Variants in ABCB7 observed in about 807,000 individuals in gnomAD.
ABCB7 encodes the protein iron-sulfur clusters transporter ABCB7, mitochondrial.
A neutral mutation model predicts 54.4 loss-of-function variants in ABCB7; 7 were observed. The ratio of observed to expected loss-of-function variants is 0.13; its 90% CI spans 0.07 to 0.24. The LOEUF (loss-of-function observed/expected upper bound fraction) is 0.24. ABCB7 is among the 10% of genes least tolerant of loss of function. The pLI is 1.00. For synonymous variants in ABCB7, 218 were observed against 207.1 expected, an observed-to-expected ratio of 1.05 and a Z score of -0.45; for missense variants, 356 against 570.4, an observed-to-expected ratio of 0.62 and a Z score of 3.83.
At chrX:75,132,847 A>T (rs925877519) in intron 1 of ABCB7, among the ~76,000 whole-genome samples, 11 of 111,910 alleles carry the variant, frequency 9.8e-5, no homozygotes, top group Non-Finnish European at 1.9e-4. Context: ...AGTCAATTAC[A>T]CCACAGTTAA....
chrX:75,074,014 T>C, intron 6 of ABCB7, 58 bp from the exon 7 acceptor site: 2 of 966,292 alleles, frequency 2.1e-6, no homozygotes, highest in Non-Finnish European at 3.0e-6. Flanking sequence ...CCCAAACAGT[T>C]TGTAATACAC....
intron 15 of ABCB7, among the ~76,000 whole-genome samples, chrX:75,058,731 G>GAATTACATGGCATGAGGCAGGT (rs778724763): frequency 1.8e-5 from 2 of 111,330 alleles, no homozygotes; most frequent in Non-Finnish European, 3.8e-5. Context: ...TAGATACTGT[G>GAATTACATGGCATGAGGCAGGT]AATTACATGG....
chrX:75,063,461 T>C (rs376809411), intron 13 of ABCB7, among the ~76,000 whole-genome samples: 9 of 111,439 alleles, frequency 8.1e-5, no homozygotes, highest in African/African-American at 2.6e-4. Context: ...CTACAATTAT[T>C]ATCTTTGGCC....
intron 13 of ABCB7, among the ~76,000 whole-genome samples, chrX:75,064,748 C>A (rs944446891): frequency 9.0e-6 from 1 of 110,773 alleles, no homozygotes; most frequent in African/African-American, 3.3e-5. Context: ...AGGTAAAGAA[C>A]GATCTTGTTT....
intron 4 of ABCB7, 91 bp downstream of exon 4, chrX:75,098,851 C>T: frequency 2.6e-6 from 3 of 1,154,703 alleles, no homozygotes; most frequent in Non-Finnish European, 3.5e-6. Context: ...GTCATGCTAC[C>T]CCAAAAGTGA....
intron 3 of ABCB7, among the ~76,000 whole-genome samples, chrX:75,112,339 A>G (rs2081767740): frequency 9.0e-6 from 1 of 111,698 alleles, no homozygotes; most frequent in Non-Finnish European, 1.9e-5. Context: ...CAGTATTCCA[A>G]TGACATTTTT....
chrX:75,084,911 A>C (rs1044815332), intron 4 of ABCB7, among the ~76,000 whole-genome samples: 2 of 112,199 alleles, frequency 1.8e-5, no homozygotes, highest in African/African-American at 6.5e-5. Flanking sequence ...AGAAATGTAA[A>C]TTAAAACCAC....
At chrX:75,125,308 A>T (rs2081915396) in intron 1 of ABCB7, among the ~76,000 whole-genome samples, 1 of 111,778 alleles carries the variant, frequency 8.9e-6, no homozygotes, top group Admixed American at 9.5e-5. Flanking sequence ...GAGAACATTG[A>T]TATAACACAA....
intron 1 of ABCB7, among the ~76,000 whole-genome samples, chrX:75,131,465 T>C (rs1257870792): frequency 9.0e-6 from 1 of 110,952 alleles, no homozygotes; most frequent in Non-Finnish European, 1.9e-5. Flanking sequence ...GCAGTGGACG[T>C]ATATATAATT....
rs753757983 is a variant in ABCB7 at position 75,113,720 on chromosome X, G to A, written c.247-748C>T. ...CACAGTTCTTTACAAACACAAATGC[G>A]TATCAATATCATACATAGCATAGCA... On this transcript the variant is annotated intron_variant, in intron 2 of 15. Transcript: ENST00000373394. 1.4e-3 allele frequency among the ~76,000 whole-genome samples: 155 copies of A among 111,506 alleles called. 1 individual carries two copies. Among genetic ancestry groups the A allele is most frequent in the Non-Finnish European group, 2.2e-3 (115 of 53,061 alleles).
chrX:75,089,452 C>A (rs1484649599), intron 4 of ABCB7, among the ~76,000 whole-genome samples: 1 of 110,108 alleles, frequency 9.1e-6, no homozygotes, highest in Non-Finnish European at 1.9e-5. Flanking sequence ...GTGTACCACC[C>A]CCATGAAGCA....
At chrX:75,145,577 C>A (rs957181712) in intron 1 of ABCB7, among the ~76,000 whole-genome samples, 18 of 111,797 alleles carry the variant, frequency 1.6e-4, no homozygotes, top group African/African-American at 5.2e-4. Context: ...AAGGAACATA[C>A]CTCAAAATAT....
chrX:75,121,422 G>GA (rs1485848089), intron 1 of ABCB7, among the ~76,000 whole-genome samples: 4 of 111,040 alleles, frequency 3.6e-5, no homozygotes, highest in African/African-American at 9.8e-5. Flanking sequence ...AGACTGGAGA[G>GA]AAAAAAAAGT....
At chrX:75,114,969 C>T (rs763330835) in intron 1 of ABCB7, 138 bp from the exon 2 acceptor site, 41 of 488,943 alleles carry the variant, frequency 8.4e-5, no homozygotes, top group Non-Finnish European at 1.3e-4. Flanking sequence ...TTAACGTATG[C>T]CTAAAAAGAC....
chrX:75,105,199 A>C (rs1426470607), intron 3 of ABCB7, among the ~76,000 whole-genome samples: 4 of 111,126 alleles, frequency 3.6e-5, no homozygotes, highest in African/African-American at 1.3e-4. Context: ...GAAGAGAAAT[A>C]AATAAAAAGC....
chrX:75,152,736 T>C (rs1375315981), intron 1 of ABCB7, among the ~76,000 whole-genome samples: 1 of 109,050 alleles, frequency 9.2e-6, no homozygotes, highest in African/African-American at 3.4e-5. Context: ...CTCGGCTCAC[T>C]GCAACCTCCG....
At chrX:75,116,672 G>A (rs2081823783) in intron 1 of ABCB7, among the ~76,000 whole-genome samples, 1 of 111,373 alleles carries the variant, frequency 9.0e-6, no homozygotes, top group African/African-American at 3.3e-5. Context: ...AGTATCAGAG[G>A]CATTTGAACC....
At chrX:75,058,769 G>A (rs2081260914) in intron 15 of ABCB7, among the ~76,000 whole-genome samples, 1 of 111,210 alleles carries the variant, frequency 9.0e-6, no homozygotes, top group African/African-American at 3.3e-5. Flanking sequence ...CATGGCATGA[G>A]GCAGGTAATC....
chrX:75,151,002 A>G (rs2082128227), intron 1 of ABCB7, among the ~76,000 whole-genome samples: 1 of 111,104 alleles, frequency 9.0e-6, no homozygotes, highest in Admixed American at 9.6e-5. Context: ...TTAATCAGGG[A>G]TTACTGACTG....
Sources: allele counts gnomAD v4.1 joint callset (sites outside exome capture counted in the v4.1 genomes callset), GRCh38; gene constraint gnomAD v4.1.1; transcripts MANE v1.5; gene names NCBI Gene and HGNC (gene_info 2026-07-23, HGNC 2026-07-21).